ZNF649: variants seen among roughly 807,000 people sequenced by gnomAD.
ZNF649 encodes the protein zinc finger protein 649.
ZNF649 carries 7 observed loss-of-function variants against 14.1 expected under a neutral mutation model. The observed-to-expected ratio is 0.49, with a 90% CI of 0.28 to 0.93. The LOEUF (loss-of-function observed/expected upper bound fraction) is 0.93, where lower values mean the gene tolerates loss of function less well. Among genes scored for constraint, ZNF649 ranks in the 40% least tolerant of loss-of-function variants. The pLI, the probability that ZNF649 is intolerant of heterozygous loss-of-function variation, is 0.10. For synonymous variants in ZNF649, 227 were observed against 212.3 expected (o/e 1.07, Z -0.60); for missense variants, 544 against 608.1 (o/e 0.89, Z 1.11).
rs554541812 is a variant in ZNF649, at chr19:51,892,146, C to T, written c.239-249G>A. ...ATCCCAGCACTTTGAGAGGCCAAGG[C>T]GGGTGGATCACAAGGTCAAGAGATC... On this transcript the variant is annotated intron_variant, in intron 4 of 4. Transcript: ENST00000354957. 9.3e-5 allele frequency among the ~76,000 whole-genome samples: 14 copies of T among 150,512 alleles called. No individual in the cohort carries two copies. The East Asian group carries it at 1.4e-3, about 15-fold the overall frequency.
At chr19:51,895,652 C>T (rs1424790128) in intron 4 of ZNF649, among the ~76,000 whole-genome samples, 1 of 151,962 alleles carries the variant, frequency 6.6e-6, no homozygotes, top group Admixed American at 6.6e-5. Flanking sequence ...TCCTATGCCT[C>T]AGTTCTTATC....
intron 4 of ZNF649, among the ~76,000 whole-genome samples, chr19:51,893,090 G>A (rs1050923804): frequency 3.3e-5 from 5 of 152,122 alleles, no homozygotes; most frequent in Non-Finnish European, 7.3e-5. Context: ...TTGGACAGGA[G>A]ACTGATCTCA....
intron 1 of ZNF649, among the ~76,000 whole-genome samples, chr19:51,904,710 T>A (rs765537801): frequency 6.6e-6 from 1 of 151,952 alleles, no homozygotes; most frequent in Non-Finnish European, 1.5e-5. Context: ...AGAGTGACCC[T>A]CAGAGACCCC....
chr19:51,903,477 CAT>C (rs1200342767), intron 1 of ZNF649, among the ~76,000 whole-genome samples: 6 of 152,226 alleles, frequency 3.9e-5, no homozygotes, highest in African/African-American at 4.8e-5. Flanking sequence ...TTTTGGGAGA[CAT>C]GTGCCAGGAA....
In ZNF649 at chr19:51,891,953, C is replaced by T; in HGVS notation, c.239-56G>A. 6.7e-7 allele frequency: 1 copy of T among 1,496,592 alleles called. No homozygotes were observed. The highest frequency in any genetic ancestry group is 1.5e-5 in the South Asian group (1 of 68,868). 92.7% of individuals were successfully genotyped at this position (1,496,592 alleles called of 1,614,324 possible). On this transcript the variant is annotated intron_variant, in intron 4 of 4. Transcript: ENST00000354957. The surrounding 1 kb of genome is among the most constrained non-coding windows in gnomAD (Gnocchi z 4.2). ...ATCATCACACGGAATAAAACTGCTT[C>T]AAAGATGCCTTGGGGTTGGCTGGCT...
rs1210930686 is a variant in ZNF649 at position 51,891,249 on chromosome 19, C to A, written c.887G>T (p.Gly296Val). ...TAGTGATTTTCTGGAGAAAGCTCTC[C>A]CACATTCGCTGCATTGATGGGGCTT... is the stretch of plus-strand genomic sequence containing the variant. ...GIKPHQCSEC[G>V]RAFSRKSLLV... Residue 296 changes from glycine to valine, a missense_variant, in exon 5 of 5, where the codon GGG becomes GTG. Gly to Val is a moderately radical substitution (Grantham distance 109). Coordinates refer to ENST00000354957, the MANE Select transcript of ZNF649 (RefSeq NM_023074.4). The surrounding 1 kb of genome is among the most constrained non-coding windows in gnomAD (Gnocchi z 4.2). The A allele has an allele frequency of 6.2e-7, 1 of 1,614,192 alleles. No individual in the cohort carries two copies. Among genetic ancestry groups the A allele is most frequent in the South Asian group, 1.1e-5 (1 of 91,078 alleles).
At chr19:51,893,888 C>T (rs2085041077) in intron 4 of ZNF649, among the ~76,000 whole-genome samples, 1 of 152,128 alleles carries the variant, frequency 6.6e-6, no homozygotes, top group Non-Finnish European at 1.5e-5. Context: ...AGAACATCAG[C>T]TATACAGTAT....
Position 51,891,968 on chromosome 19 carries a change from G to A in ZNF649, c.239-71C>T. On this transcript the variant is annotated intron_variant, in intron 4 of 4. Coordinates refer to ENST00000354957, the MANE Select transcript of ZNF649 (RefSeq NM_023074.4). This position sits in a 1 kb window ranked among gnomAD's most constrained non-coding sequence, Gnocchi z 4.2. Reference sequence around the variant, plus strand: ...AAAACTGCTTCAAAGATGCCTTGGGGTTGGCTGGCTTTTTACTGGAACCCC... The same window carrying A: ...AAAACTGCTTCAAAGATGCCTTGGGATTGGCTGGCTTTTTACTGGAACCCC... 1 of 1,481,660 alleles carries A rather than the reference G, an allele frequency of 6.7e-7. No homozygotes were observed. The allele number at this position is 1,481,660 out of a possible 1,614,324, so 91.8% of individuals were successfully genotyped here.
At position 51,891,070 on chromosome 19, in the gene ZNF649, TGAAGG is replaced by T; in HGVS notation, c.1061_1065del (p.Ala354GlufsTer23). 1 of 1,614,236 alleles carries T rather than the reference TGAAGG, an allele frequency of 6.2e-7. No homozygotes were observed. Among genetic ancestry groups the T allele is most frequent in the Middle Eastern group, 1.6e-4 (1 of 6,062 alleles). ...TGTGCTACAAGGCAAGACTTCTGGC[TGAAGG>T]CCTTGCCACAGTCAATGCATCCATA... On this transcript the variant is annotated frameshift_variant, in exon 5 of 5. Coordinates refer to ENST00000354957, the MANE Select transcript of ZNF649 (RefSeq NM_023074.4). LOFTEE classifies it low-confidence loss of function (END_TRUNC). The surrounding 1 kb of genome is among the most constrained non-coding windows in gnomAD (Gnocchi z 4.2).
rs1055477275 is a variant in ZNF649, at chr19:51,895,701, C to T, written c.238+771G>A. On this transcript the variant is annotated intron_variant, in intron 4 of 4. Transcript: ENST00000354957. The stretch of plus-strand genomic sequence containing the variant: ...CAGTAACTCTAGACAATGCTTATGG[C>T]ACTCTTTCTCCCTCTCTCTCTTATA... 3.8e-4 allele frequency among the ~76,000 whole-genome samples: 57 copies of T among 151,870 alleles called. 2 individuals carry two copies. The highest frequency in any genetic ancestry group is 2.0e-4 in the Admixed American group (3 of 15,244).
intron 1 of ZNF649, among the ~76,000 whole-genome samples, chr19:51,902,460 A>G (rs1442055034): frequency 1.3e-5 from 2 of 152,192 alleles, no homozygotes; most frequent in African/African-American, 4.8e-5. Flanking sequence ...AATTTGCTGG[A>G]TGGCTCACAG....
rs118099124 is a variant in ZNF649 at position 51,901,678 on chromosome 19, G to A, written c.-187-1384C>T. On this transcript the variant is annotated intron_variant, in intron 1 of 4. Coordinates refer to ENST00000354957, the MANE Select transcript of ZNF649 (RefSeq NM_023074.4). Reference sequence around the variant, plus strand: ...AAAAAAATAAAAAAAAATAAAGGCCGAGCGTGTTGGCTCACACCTGTAATC... The same window carrying A: ...AAAAAAATAAAAAAAAATAAAGGCCAAGCGTGTTGGCTCACACCTGTAATC... Among the ~76,000 whole-genome samples, 44 of 151,996 alleles carry A rather than the reference G, an allele frequency of 2.9e-4. No homozygotes were observed. The East Asian group carries it at 5.6e-3, about 19-fold the overall frequency.
intron 4 of ZNF649, 38 bp downstream of exon 4, chr19:51,896,434 C>T: frequency 6.3e-7 from 1 of 1,583,300 alleles, no homozygotes; most frequent in Non-Finnish European, 8.7e-7. Context: ...AATGTGACTT[C>T]CGCTGCCTTC....
At chr19:51,901,267 AAAC>A (rs2085093086) in intron 1 of ZNF649, among the ~76,000 whole-genome samples, 1 of 152,202 alleles carries the variant, frequency 6.6e-6, no homozygotes, top group South Asian at 2.1e-4. Flanking sequence ...TGTTTGAAAA[AAAC>A]AGCTTAGGCA....
chr19:51,895,676 C>A (rs2085056922), intron 4 of ZNF649, among the ~76,000 whole-genome samples: 1 of 152,024 alleles, frequency 6.6e-6, no homozygotes, highest in South Asian at 2.1e-4. Context: ...CTTGATGAAT[C>A]AGTAACTCTA....
In ZNF649 at chr19:51,904,977, G is replaced by T. The variant is rs1008080393; in HGVS notation, c.-251C>A. 1.1e-4 allele frequency: 16 copies of T among 147,936 alleles called. No individual in the cohort carries two copies. The highest frequency in any genetic ancestry group is 4.3e-4 in the African/African-American group (16 of 37,106). 9.2% of individuals were successfully genotyped at this position (147,936 alleles called of 1,614,324 possible). On this transcript the variant is annotated 5_prime_UTR_variant, in exon 1 of 5. Coordinates refer to ENST00000354957, the MANE Select transcript of ZNF649 (RefSeq NM_023074.4). ...TTCCTTTCCTGGCCCTTAAACCCCG[G>T]CACTGGCCTATGGCGGCGGACGAGG...
Position 51,891,815 on chromosome 19 carries a change from G to A in ZNF649, c.321C>T (p.His107=), listed in dbSNP as rs200012694. 29 of 1,613,272 alleles carry A rather than the reference G, an allele frequency of 1.8e-5. No individual in the cohort carries two copies. Among genetic ancestry groups the A allele is most frequent in the South Asian group, 7.7e-5 (7 of 90,876 alleles). ...ILKRTGQRYE[H]GRTLKSYLGL... ...CTAAATATGATTTCAAAGTTCTTCCGTGTTCATAGCGTTGTCCCGTCCTCT... is the reference window on the plus strand; with the variant it reads ...CTAAATATGATTTCAAAGTTCTTCCATGTTCATAGCGTTGTCCCGTCCTCT... The change falls in exon 5 of 5, where the codon CAC becomes CAT. Residue 107 remains histidine, a synonymous_variant. Coordinates refer to ENST00000354957, the MANE Select transcript of ZNF649 (RefSeq NM_023074.4). The surrounding 1 kb of genome is among the most constrained non-coding windows in gnomAD (Gnocchi z 4.2).
Position 51,891,908 on chromosome 19 carries a change from G to C in ZNF649, c.239-11C>G. The C allele has an allele frequency of 6.5e-7, 1 of 1,542,552 alleles. No individual in the cohort carries two copies. On this transcript the variant is annotated splice_polypyrimidine_tract_variant and intron_variant, in intron 4 of 4. Transcript: ENST00000354957. The surrounding 1 kb of genome is among the most constrained non-coding windows in gnomAD (Gnocchi z 4.2). ...CAGCTTTCTCAATTTCTAAGAGAGA[G>C]AACAATAAATCCTTCCATGATCATC...
intron 1 of ZNF649, among the ~76,000 whole-genome samples, chr19:51,901,750 C>T (rs2122773463): frequency 6.6e-6 from 1 of 152,218 alleles, no homozygotes; most frequent in African/African-American, 2.4e-5. Flanking sequence ...GAGCTCAGGA[C>T]TTGGCAACAT....
Sources: gnomAD v4.1 joint callset for allele counts (sites outside exome capture counted in the v4.1 genomes callset) on GRCh38, gnomAD v4.1.1 for gene constraint, Gnocchi (gnomAD v3.1) non-coding constraint, MANE v1.5 for transcripts, NCBI Gene and HGNC (gene_info 2026-07-23, HGNC 2026-07-21) for gene names.